ZP3: variants seen among roughly 807,000 people sequenced by gnomAD.
ZP3 encodes the protein zona pellucida glycoprotein 3.
ZP3 carries 21 observed loss-of-function variants against 35.6 expected under a neutral mutation model. That is an observed-to-expected ratio of 0.59 (90% CI 0.42 to 0.85). ZP3 has a LOEUF of 0.85. ZP3 is among the 40% of genes least tolerant of loss of function. The probability of loss-of-function intolerance (pLI) is 0.00; values close to 1 mark genes in which losing one functional copy is unlikely to be tolerated. For synonymous variants in ZP3, 207 were observed against 214.5 expected (o/e 0.96, Z 0.31); for missense variants, 437 against 536.5 (o/e 0.81, Z 1.83).
At chr7:76,433,112 TG>T in intron 3 of ZP3, 82 bp downstream of exon 3, 1 of 1,210,796 alleles carries the variant, frequency 8.3e-7, no homozygotes, top group East Asian at 2.5e-5. Context: ...GTCTTTTTTT[TG>T]TTTGTTTGGT....
intron 5 of ZP3, among the ~76,000 whole-genome samples, chr7:76,438,538 G>GGAA (rs1554626485): frequency 1.0e-4 from 9 of 88,558 alleles, no homozygotes; most frequent in African/African-American, 3.3e-4. Context: ...CTCCGTCTCA[G>GGAA]AAAAAAAAAA....
At chr7:76,433,799 A>C (rs1030725450) in intron 4 of ZP3, 152 bp downstream of exon 4, 1 of 1,079,256 alleles carries the variant, frequency 9.3e-7, no homozygotes, top group Non-Finnish European at 1.3e-6. Flanking sequence ...CCCAGGTTTA[A>C]GTGATTCTCC....
At chr7:76,400,882 C>A in intron 1 of ZP3, 1 of 1,324,728 alleles carries the variant, frequency 7.5e-7, no homozygotes. Context: ...GACTACAGCT[C>A]CCCTGAGATG....
At chr7:76,404,710 CG>C (rs1804943834) in intron 1 of ZP3, among the ~76,000 whole-genome samples, 1 of 151,972 alleles carries the variant, frequency 6.6e-6, no homozygotes. Flanking sequence ...GCGGGTGGAT[CG>C]CTTGAACCCA....
At chr7:76,409,207 G>A (rs1304047617) in intron 1 of ZP3, among the ~76,000 whole-genome samples, 1 of 152,048 alleles carries the variant, frequency 6.6e-6, no homozygotes, top group Non-Finnish European at 1.5e-5. Flanking sequence ...GAATCAAGGT[G>A]ATGGCTACAG....
At chr7:76,403,042 C>A (rs1804880127) in intron 1 of ZP3, among the ~76,000 whole-genome samples, 2 of 152,164 alleles carry the variant, frequency 1.3e-5, no homozygotes, top group South Asian at 4.1e-4. Context: ...ACAGACAGGG[C>A]AACTTCAGGG....
intron 1 of ZP3, among the ~76,000 whole-genome samples, chr7:76,408,533 G>A (rs1408675410): frequency 6.6e-6 from 1 of 152,122 alleles, no homozygotes; most frequent in Non-Finnish European, 1.5e-5. Context: ...CCCCCACCCT[G>A]GGGACAGGCA....
At chr7:76,431,656 T>C (rs1805827344) in intron 2 of ZP3, among the ~76,000 whole-genome samples, 2 of 152,068 alleles carry the variant, frequency 1.3e-5, no homozygotes, top group Admixed American at 1.3e-4. Context: ...TCCCAGCACT[T>C]TGGGAGGCCG....
chr7:76,424,195 G>A (rs541000149), upstream of ZP3, among the ~76,000 whole-genome samples: 2 of 152,280 alleles, frequency 1.3e-5, no homozygotes, highest in East Asian at 1.9e-4. Flanking sequence ...CAGCTCCCTT[G>A]CCGGGCTGCG....
intron 1 of ZP3, among the ~76,000 whole-genome samples, chr7:76,414,898 A>G (rs1005390848): frequency 1.8e-5 from 2 of 113,786 alleles, no homozygotes; most frequent in African/African-American, 6.8e-5. Flanking sequence ...TTATGCAGCC[A>G]TGGTACATTT....
At chr7:76,436,405 C>T (rs1197061442) in intron 5 of ZP3, among the ~76,000 whole-genome samples, 2 of 152,168 alleles carry the variant, frequency 1.3e-5, no homozygotes, top group Admixed American at 6.6e-5. Context: ...CTTGGAAATG[C>T]ATCAAAAGCC....
At chr7:76,419,875 C>A (rs1805465508) in intron 1 of ZP3, among the ~76,000 whole-genome samples, 1 of 149,366 alleles carries the variant, frequency 6.7e-6, no homozygotes, top group East Asian at 2.0e-4. Context: ...TTGGCTCACT[C>A]ACTGCAACTT....
At chr7:76,436,098 C>G (rs1805999153) in intron 5 of ZP3, among the ~76,000 whole-genome samples, 1 of 110,068 alleles carries the variant, frequency 9.1e-6, no homozygotes, top group Non-Finnish European at 1.7e-5. Context: ...GTCACCCAGG[C>G]TGGAGTACAG....
chr7:76,426,309 G>C (rs1805650007), intron 1 of ZP3, among the ~76,000 whole-genome samples: 1 of 152,148 alleles, frequency 6.6e-6, no homozygotes, highest in East Asian at 1.9e-4. Context: ...GGCAGGGCAG[G>C]GCTGGGCACA....
chr7:76,439,153 C>CAAAATG (rs1806118276), intron 5 of ZP3, among the ~76,000 whole-genome samples: 1 of 104,858 alleles, frequency 9.5e-6, no homozygotes, highest in Non-Finnish European at 2.1e-5. Context: ...AAAAAAAAAC[C>CAAAATG]TCTTAAGTCT....
upstream of ZP3, among the ~76,000 whole-genome samples, chr7:76,424,164 G>A (rs1213644533): frequency 6.6e-6 from 1 of 152,086 alleles, no homozygotes; most frequent in Admixed American, 6.6e-5. Context: ...GCTTTCTCCT[G>A]TGTCCCCCAC....
rs1302878782 is a variant in ZP3 at position 76,433,045 on chromosome 7, C to T, written c.535+15C>T. On this transcript the variant is annotated intron_variant, in intron 3 of 7. Coordinates refer to ENST00000394857, the MANE Select transcript of ZP3 (RefSeq NM_001110354.2). ...TCTGATGGAGGGTAAGAGAAGAAGGCTGGGTGGGACATCTGTGGAAAGACC... is the reference window on the plus strand; with the variant it reads ...TCTGATGGAGGGTAAGAGAAGAAGGTTGGGTGGGACATCTGTGGAAAGACC... 1 of 1,596,474 alleles carries T rather than the reference C, an allele frequency of 6.3e-7. No homozygotes were observed. The highest frequency in any genetic ancestry group is 1.3e-5 in the African/African-American group (1 of 74,186).
At chr7:76,403,347 C>CTTTTTTTTTTTT (rs766899317) in intron 1 of ZP3, among the ~76,000 whole-genome samples, 24,440 of 147,496 alleles carry the variant, frequency 0.17, 2,332 homozygotes, top group South Asian at 0.23. Flanking sequence ...GACTCCACTT[C>CTTTTTTTTTTTT]TTTTTTTTGA....
chr7:76,425,995 A>C (rs1805638669), intron 1 of ZP3, among the ~76,000 whole-genome samples: 1 of 151,926 alleles, frequency 6.6e-6, no homozygotes, highest in African/African-American at 2.4e-5. Context: ...AGGCAGGAGA[A>C]TCGCTTGAAC....
Sources: gnomAD v4.1 joint callset for allele counts (sites outside exome capture counted in the v4.1 genomes callset) on GRCh38, gnomAD v4.1.1 for gene constraint, MANE v1.5 for transcripts, NCBI Gene and HGNC (gene_info 2026-07-23, HGNC 2026-07-21) for gene names.